Variants in CACYBP observed in about 807,000 individuals in gnomAD.
The protein encoded by CACYBP is calcyclin binding protein.
In CACYBP, 11 loss-of-function variants were observed where a neutral mutation model predicts 29.6. That is an observed-to-expected ratio of 0.37 (90% CI 0.23 to 0.61). The LOEUF is 0.61. CACYBP is among the 20% of genes least tolerant of loss of function. The probability of loss-of-function intolerance (pLI) is 0.65; values close to 1 mark genes in which losing one functional copy is unlikely to be tolerated. For synonymous variants in CACYBP, 73 were observed against 88.3 expected, an observed-to-expected ratio of 0.83 and a Z score of 0.97; for missense variants, 163 against 260.7, an observed-to-expected ratio of 0.63 and a Z score of 2.58.
In CACYBP at chr1:175,011,077, T is replaced by C. The variant is rs1201347819; in HGVS notation, c.*998T>C. The C allele has an allele frequency of 6.9e-6, 1 of 145,802 alleles. No homozygotes were observed. Among genetic ancestry groups the C allele is most frequent in the African/African-American group, 2.6e-5 (1 of 38,564 alleles). 9.0% of individuals were successfully genotyped at this position (145,802 alleles called of 1,614,324 possible). ...TATGATGATGCCACTGTACTGCAGC[T>C]TGGGTAACAGATTGAGAACCTGTCT... On this transcript the variant is annotated 3_prime_UTR_variant, in exon 6 of 6. Transcript: ENST00000367679.
rs1293986844 is a variant in CACYBP, at chr1:175,010,178, G to C, written c.*99G>C. The C allele has an allele frequency of 2.1e-6, 2 of 967,824 alleles. No individual in the cohort carries two copies. The highest frequency in any genetic ancestry group is 3.1e-6 in the Non-Finnish European group (2 of 642,184). The allele number at this position is 967,824 out of a possible 1,614,324, so 60.0% of individuals were successfully genotyped here. A position where few individuals can be genotyped will look rare whatever the true frequency, so the allele number is the denominator to read the frequency against. ...GCTGCATATATAAATTTGACAGATA[G>C]CTATTTACATAGCCTTCTAAGTAAA... is the stretch of plus-strand genomic sequence containing the variant. On this transcript the variant is annotated 3_prime_UTR_variant, in exon 6 of 6. Coordinates refer to ENST00000367679, the MANE Select transcript of CACYBP (RefSeq NM_014412.3).
In CACYBP at chr1:175,000,108, G is replaced by GGGCTC; in HGVS notation, c.-69_-65dup. 1 of 1,557,084 alleles carries GGGCTC rather than the reference G, an allele frequency of 6.4e-7. No homozygotes were observed. Among genetic ancestry groups the GGGCTC allele is most frequent in the Non-Finnish European group, 8.7e-7 (1 of 1,148,848 alleles). On this transcript the variant is annotated 5_prime_UTR_variant, in exon 1 of 6. Coordinates refer to ENST00000367679, the MANE Select transcript of CACYBP (RefSeq NM_014412.3). ...GGGTAGGCGTCTGCGCTCGGTTTGAGGGCTCGGCGCGGGGTTTCCTGTTCC... is the reference window on the plus strand; with the variant it reads ...GGGTAGGCGTCTGCGCTCGGTTTGAGGGCTCGGCTCGGCGCGGGGTTTCCTGTTCC...
chr1:175,011,918 C>T lies in CACYBP; in HGVS notation c.*1839C>T, dbSNP rs1672766806. ...CAGGAGTTCAAGACCATCTGGCCAA[C>T]ATGGTGAAACCCTGTCTCTACTGAA... On this transcript the variant is annotated 3_prime_UTR_variant, in exon 6 of 6. Coordinates refer to ENST00000367679, the MANE Select transcript of CACYBP (RefSeq NM_014412.3). 6.6e-6 allele frequency among the ~76,000 whole-genome samples: 1 copy of T among 152,160 alleles called. No individual in the cohort carries two copies. The highest frequency in any genetic ancestry group is 2.4e-5 in the African/African-American group (1 of 41,432).
intron 1 of CACYBP, among the ~76,000 whole-genome samples, chr1:175,003,664 T>G (rs1672549007): frequency 6.6e-6 from 1 of 152,206 alleles, no homozygotes; most frequent in South Asian, 2.1e-4. Flanking sequence ...ATTTTTTTGG[T>G]CAAGTTGGTA....
At chr1:175,000,370 C>T in intron 1 of CACYBP, 175 bp downstream of exon 1, 4 of 1,423,270 alleles carry the variant, frequency 2.8e-6, no homozygotes, top group Non-Finnish European at 3.7e-6. Context: ...GCCGTCGGCT[C>T]CCCAGCGCTT....
Position 175,004,788 on chromosome 1 carries a change from G to C in CACYBP, c.190G>C (p.Val64Leu). ...LLDNEKPAAV[V>L]APITTGYTVK... ...TGATAATGAAAAACCAGCTGCTGTG[G>C]TTGCTCCCATTACAACGGGCTATAC... is the stretch of plus-strand genomic sequence containing the variant. The change falls in exon 2 of 6, where the codon GTT becomes CTT. Residue 64 changes from valine (V) to leucine (L), a missense_variant. Coordinates refer to ENST00000367679, the MANE Select transcript of CACYBP (RefSeq NM_014412.3). The C allele has an allele frequency of 6.2e-7, 1 of 1,613,836 alleles. No individual in the cohort carries two copies. The highest frequency in any genetic ancestry group is 1.1e-5 in the South Asian group (1 of 91,068).
At chr1:175,009,819 TCTTC>T in intron 5 of CACYBP, 100 bp from the exon 6 acceptor site, 1 of 824,344 alleles carries the variant, frequency 1.2e-6, no homozygotes, top group Non-Finnish European at 1.9e-6. Flanking sequence ...GGGTACTCTG[TCTTC>T]CTTCTTATCC....
At chr1:175,005,005 G>C in intron 2 of CACYBP, 172 bp downstream of exon 2, 1 of 652,214 alleles carries the variant, frequency 1.5e-6, no homozygotes, top group African/African-American at 1.8e-5. Context: ...GAAAGGATGC[G>C]TTCTAGAAGC....
At chr1:175,006,713 A>G (rs1672626598) in intron 2 of CACYBP, 32 bp from the exon 3 acceptor site, 1 of 1,094,172 alleles carries the variant, frequency 9.1e-7, no homozygotes, top group Non-Finnish European at 1.4e-6. Flanking sequence ...TCAGAGGCTT[A>G]CTTACGTCCC....
rs899067437 is a variant in CACYBP at position 175,011,650 on chromosome 1, C to T, written c.*1571C>T. On this transcript the variant is annotated 3_prime_UTR_variant, in exon 6 of 6. Transcript: ENST00000367679. ...TCATACAAAAAGAAATGTAAATGAC[C>T]TTTAACATGTAAAGATGCTCACCTT... is the stretch of plus-strand genomic sequence containing the variant. The T allele has an allele frequency of 2.6e-5, 4 of 152,176 alleles. No homozygotes were observed. The highest frequency in any genetic ancestry group is 5.9e-5 in the Non-Finnish European group (4 of 68,030). 9.4% of individuals were successfully genotyped at this position (152,176 alleles called of 1,614,324 possible).
chr1:175,010,192 C>T lies in CACYBP; in HGVS notation c.*113C>T, dbSNP rs1360817580. ...TTTGACAGATAGCTATTTACATAGC[C>T]TTCTAAGTAAAGGCAATGAATTCTC... On this transcript the variant is annotated 3_prime_UTR_variant, in exon 6 of 6. Coordinates refer to ENST00000367679, the MANE Select transcript of CACYBP (RefSeq NM_014412.3). 2 of 806,354 alleles carry T rather than the reference C, an allele frequency of 2.5e-6. No individual in the cohort carries two copies. Among genetic ancestry groups the T allele is most frequent in the East Asian group, 2.6e-5 (1 of 38,042 alleles). 49.9% of individuals were successfully genotyped at this position (806,354 alleles called of 1,614,324 possible). A position where few individuals can be genotyped will look rare whatever the true frequency, so the allele number is the denominator to read the frequency against.
intron 2 of CACYBP, 36 bp downstream of exon 2, chr1:175,004,869 G>T: frequency 2.3e-6 from 3 of 1,303,162 alleles, no homozygotes; most frequent in African/African-American, 1.4e-5. Context: ...TTCTGCCTCC[G>T]AGCAACCTAT....
chr1:175,005,115 G>A (rs1422420560), intron 2 of CACYBP: 1 of 392,466 alleles, frequency 2.5e-6, no homozygotes, highest in African/African-American at 2.0e-5. Flanking sequence ...TGGTGGTGGT[G>A]GTGGTGGTGG....
Position 175,000,203 on chromosome 1 carries a change from G to A in CACYBP, c.15+8G>A. On this transcript the variant is annotated splice_region_variant and intron_variant, in intron 1 of 5. Transcript: ENST00000367679. ...CCCATGGCTTCAGAAGAGGTAAGTG[G>A]TCCGGCCCCATATTCCTTATGCCCC... The A allele has an allele frequency of 1.2e-6, 2 of 1,606,202 alleles. No individual in the cohort carries two copies. Among genetic ancestry groups the A allele is most frequent in the Non-Finnish European group, 1.7e-6 (2 of 1,176,328 alleles).
intron 2 of CACYBP, chr1:175,005,056 C>A (rs552795822): frequency 7.3e-6 from 4 of 545,720 alleles, no homozygotes; most frequent in African/African-American, 1.9e-5. Context: ...AATGTAACAA[C>A]AAGGAAGGAA....
At chr1:175,008,249 G>C (rs1233720107) in intron 4 of CACYBP, among the ~76,000 whole-genome samples, 2 of 152,006 alleles carry the variant, frequency 1.3e-5, no homozygotes, top group African/African-American at 4.8e-5. Flanking sequence ...ACACCAAGAT[G>C]ATCCCATCTT....
At chr1:175,006,532 C>T in intron 2 of CACYBP, 5 of 361,074 alleles carry the variant, frequency 1.4e-5, no homozygotes, top group Non-Finnish European at 2.5e-5. Context: ...TGAATTCTAC[C>T]ACTTGTTAGA....
intron 3 of CACYBP, 70 bp from the exon 4 acceptor site, chr1:175,007,028 C>T: frequency 8.7e-7 from 1 of 1,149,108 alleles, no homozygotes; most frequent in South Asian, 1.4e-5. Context: ...GCTTTTTTCC[C>T]ACAAGAACTA....
intron 4 of CACYBP, among the ~76,000 whole-genome samples, chr1:175,008,009 T>C (rs1574110567): frequency 6.6e-6 from 1 of 152,332 alleles, no homozygotes; most frequent in Non-Finnish European, 1.5e-5. Context: ...TTCGCTGTCT[T>C]ACTGCACCCT....
Sources: gnomAD v4.1 joint callset for allele counts (sites outside exome capture counted in the v4.1 genomes callset) on GRCh38, gnomAD v4.1.1 for gene constraint, MANE v1.5 for transcripts, NCBI Gene and HGNC (gene_info 2026-07-23, HGNC 2026-07-21) for gene names.